The following NEBL variants were observed in gnomAD, a reference collection of about 807,000 sequenced individuals.
The protein encoded by NEBL is nebulette, also known as LIM and SH3 protein 2.
NEBL carries 122 observed loss-of-function variants against 140.2 expected under a neutral mutation model. The ratio of observed to expected loss-of-function variants is 0.87; its 90% confidence interval spans 0.75 to 1.01. NEBL has a LOEUF of 1.01. Among genes scored for constraint, NEBL ranks in the 50% least tolerant of loss-of-function variants. NEBL has a pLI of 0.00. For missense variants in NEBL, 1,365 were observed against 1,231.3 expected (o/e 1.11, Z -1.62); for synonymous variants, 436 against 398.9 (o/e 1.09, Z -1.11).
intron 2 of NEBL, among the ~76,000 whole-genome samples, chr10:21,251,202 C>T (rs1449116816): frequency 1.3e-5 from 2 of 152,088 alleles, no homozygotes; most frequent in Non-Finnish European, 2.9e-5. Flanking sequence ...TAGGAGCTAG[C>T]CAGGTACACA....
chr10:21,170,386 GCTGCCCA>G (rs1841020018), intron 2 of NEBL: 2 of 152,190 alleles, frequency 1.3e-5, no homozygotes, highest in African/African-American at 4.8e-5. Flanking sequence ...ATGGAAACAG[GCTGCCCA>G]CTGAAACAGT....
chr10:21,216,623 T>C (rs1841995954), intron 3 of NEBL, among the ~76,000 whole-genome samples: 1 of 151,894 alleles, frequency 6.6e-6, no homozygotes, highest in African/African-American at 2.4e-5. Flanking sequence ...ACACAAAAAT[T>C]AGCTGGGCAT....
intron 3 of NEBL, among the ~76,000 whole-genome samples, chr10:20,988,785 A>G (rs1837350042): frequency 6.6e-6 from 1 of 152,212 alleles, no homozygotes; most frequent in African/African-American, 2.4e-5. Context: ...CACCATGGAA[A>G]CCACACTTGG....
chr10:21,112,316 A>G (rs1375946927), intron 2 of NEBL, among the ~76,000 whole-genome samples: 1 of 152,210 alleles, frequency 6.6e-6, no homozygotes, highest in African/African-American at 2.4e-5. Flanking sequence ...CACTATTTAC[A>G]ATAGCAAAGA....
intron 2 of NEBL, among the ~76,000 whole-genome samples, chr10:21,136,513 A>C (rs914674057): frequency 2.6e-5 from 4 of 152,010 alleles, no homozygotes; most frequent in African/African-American, 9.7e-5. Context: ...TCTTATTTCA[A>C]ACCCTCACCC....
At chr10:20,954,082 A>G (rs1835659371) in intron 4 of NEBL, among the ~76,000 whole-genome samples, 3 of 152,006 alleles carry the variant, frequency 2.0e-5, no homozygotes, top group Admixed American at 1.3e-4. Flanking sequence ...AAGTAATCCC[A>G]TAAAATAATC....
At chr10:21,057,899 A>G (rs1335143578) in intron 2 of NEBL, among the ~76,000 whole-genome samples, 1 of 152,174 alleles carries the variant, frequency 6.6e-6, no homozygotes. Flanking sequence ...ATTTAAAGCC[A>G]GACTTATTTT....
intron 2 of NEBL, chr10:21,172,359 G>A (rs1344549181): frequency 1.3e-6 from 2 of 1,555,302 alleles, no homozygotes; most frequent in African/African-American, 2.7e-5. Context: ...TGCCACACCT[G>A]GACAGCGTGT....
intron 4 of NEBL, among the ~76,000 whole-genome samples, chr10:20,953,699 A>G (rs1158450441): frequency 6.6e-6 from 1 of 152,138 alleles, no homozygotes; most frequent in Non-Finnish European, 1.5e-5. Context: ...AGGAGCAGAG[A>G]GTAAAAGATC....
At chr10:20,793,054 T>C (rs1036124653) in intron 26 of NEBL, among the ~76,000 whole-genome samples, 1 of 152,184 alleles carries the variant, frequency 6.6e-6, no homozygotes, top group East Asian at 1.9e-4. Context: ...TTCTTAGCAC[T>C]ACAGAAACCC....
chr10:20,984,332 G>T (rs1837168981), intron 3 of NEBL, among the ~76,000 whole-genome samples: 1 of 152,172 alleles, frequency 6.6e-6, no homozygotes, highest in Non-Finnish European at 1.5e-5. Flanking sequence ...TTGTCAGTTT[G>T]TTTGACAGGG....
At chr10:20,894,922 C>G (rs971544268) in intron 2 of NEBL, among the ~76,000 whole-genome samples, 4 of 129,296 alleles carry the variant, frequency 3.1e-5, no homozygotes, top group African/African-American at 1.3e-4. Flanking sequence ...GAGCGAGACT[C>G]TGTCTAAAAA....
chr10:20,950,425 C>T (rs371445303), intron 4 of NEBL, among the ~76,000 whole-genome samples: 71 of 152,290 alleles, frequency 4.7e-4, no homozygotes, highest in African/African-American at 1.5e-3. Flanking sequence ...AACAAGGAGA[C>T]GCCGGGTGTT....
At chr10:20,888,409 G>A (rs190356979) in intron 3 of NEBL, among the ~76,000 whole-genome samples, 10 of 152,284 alleles carry the variant, frequency 6.6e-5, no homozygotes, top group African/African-American at 2.2e-4. Context: ...CATAGAGAAC[G>A]CTTTCAATGA....
At chr10:21,044,615 A>C (rs902030706) in intron 2 of NEBL, among the ~76,000 whole-genome samples, 1 of 152,132 alleles carries the variant, frequency 6.6e-6, no homozygotes, top group Non-Finnish European at 1.5e-5. Flanking sequence ...GATTCTTCCC[A>C]CCACACTGAG....
chr10:21,216,229 C>A (rs1841991104), intron 3 of NEBL, among the ~76,000 whole-genome samples: 1 of 152,196 alleles, frequency 6.6e-6, no homozygotes, highest in Non-Finnish European at 1.5e-5. Context: ...ATATACACCC[C>A]CAACCTGACT....
At chr10:21,049,556 C>T (rs538298445) in intron 2 of NEBL, among the ~76,000 whole-genome samples, 1 of 152,174 alleles carries the variant, frequency 6.6e-6, no homozygotes, top group African/African-American at 2.4e-5. Flanking sequence ...TGTTCTCCCA[C>T]CCATCTATTT....
chr10:20,814,403 C>G (rs1790422369), intron 22 of NEBL, among the ~76,000 whole-genome samples: 1 of 151,332 alleles, frequency 6.6e-6, no homozygotes, highest in Admixed American at 6.6e-5. Flanking sequence ...TGAGACTAGG[C>G]TGGGCAGCAC....
chr10:21,209,986 T>C (rs1841891261), intron 3 of NEBL, among the ~76,000 whole-genome samples: 1 of 152,060 alleles, frequency 6.6e-6, no homozygotes, highest in Admixed American at 6.6e-5. Context: ...ACCAGACCCA[T>C]TTGGTTAAGC....
Sources: allele counts gnomAD v4.1 joint callset (sites outside exome capture counted in the v4.1 genomes callset), GRCh38; gene constraint gnomAD v4.1.1; transcripts MANE v1.5; gene names NCBI Gene and HGNC (gene_info 2026-07-23, HGNC 2026-07-21).